GPR37L1: variants seen among roughly 807,000 people sequenced by gnomAD.
The protein encoded by GPR37L1 is G protein-coupled receptor 37-like 1.
Under a neutral mutation model 18.0 loss-of-function variants are expected in GPR37L1, and 18 were observed. The ratio of observed to expected loss-of-function variants is 1.00; its 90% CI spans 0.69 to 1.49. GPR37L1 has a LOEUF of 1.49. Among genes scored for constraint, GPR37L1 ranks in the 40% most tolerant of loss-of-function variants. The pLI, the probability that GPR37L1 is intolerant of heterozygous loss-of-function variation, is 0.00. For missense variants in GPR37L1, 558 were observed against 615.1 expected, an observed-to-expected ratio of 0.91 and a Z score of 0.98; for synonymous variants, 256 against 273.9, an observed-to-expected ratio of 0.93 and a Z score of 0.65.
In GPR37L1 at chr1:202,128,190, C is replaced by T. The variant is rs200537062; in HGVS notation, c.1080C>T (p.Thr360=). The change falls in exon 2 of 2, where the codon ACC becomes ACT. Residue 360 remains threonine, a synonymous_variant. Transcript: ENST00000367282. ...HEQCESQLNS[T]VVGLTVVYAF... Reference sequence around the variant, plus strand: ...AGTGTGAGAGCCAGCTCAACAGCACCGTGGTGGGCCTGACCGTGGTCTACG... The same window carrying T: ...AGTGTGAGAGCCAGCTCAACAGCACTGTGGTGGGCCTGACCGTGGTCTACG... 6.9e-5 allele frequency: 112 copies of T among 1,613,842 alleles called. No individual in the cohort carries two copies. The highest frequency in any genetic ancestry group is 5.8e-4 in the East Asian group (26 of 44,890).
At position 202,129,655 on chromosome 1, in the gene GPR37L1, G is replaced by A. The variant is rs1038303647; in HGVS notation, c.*1099G>A. On this transcript the variant is annotated 3_prime_UTR_variant, in exon 2 of 2. Transcript: ENST00000367282. ...AGAACAGCCTTGTGGCCGATGTTCA[G>A]AACAGCCTTGTGGCCCTGGCGACTC... 6.6e-6 allele frequency: 1 copy of A among 152,232 alleles called. No homozygotes were observed. The highest frequency in any genetic ancestry group is 6.5e-5 in the Admixed American group (1 of 15,286). 9.4% of individuals were successfully genotyped at this position (152,232 alleles called of 1,614,324 possible). A position where few individuals can be genotyped will look rare whatever the true frequency, so the allele number is the denominator to read the frequency against.
Position 202,132,437 on chromosome 1 carries a change from G to A in GPR37L1, c.*3881G>A, listed in dbSNP as rs112451455. 5,367 of 152,388 alleles carry A rather than the reference G, an allele frequency of 0.035. 197 individuals are homozygous for A. Among genetic ancestry groups the A allele is most frequent in the East Asian group, 0.17 (890 of 5,170 alleles). 9.4% of individuals were successfully genotyped at this position (152,388 alleles called of 1,614,324 possible). A position where few individuals can be genotyped will look rare whatever the true frequency, so the allele number is the denominator to read the frequency against. The stretch of plus-strand genomic sequence containing the variant: ...GTGGGGAACTGCCTCTCCAGGCAGG[G>A]AACTGCTCTGACAGGTCTGATGACT... On this transcript the variant is annotated 3_prime_UTR_variant, in exon 2 of 2. Transcript: ENST00000367282.
At chr1:202,126,873 G>A (rs912005989) in intron 1 of GPR37L1, among the ~76,000 whole-genome samples, 5 of 151,498 alleles carry the variant, frequency 3.3e-5, no homozygotes, top group Admixed American at 6.6e-5. Context: ...GTGTGTGCAC[G>A]CGTAAGCCAT....
intron 1 of GPR37L1, among the ~76,000 whole-genome samples, chr1:202,125,266 T>C (rs904869973): frequency 5.9e-5 from 9 of 151,746 alleles, no homozygotes; most frequent in African/African-American, 1.9e-4. Context: ...GACACAGGAC[T>C]CTGAAATTGA....
rs373542626 is a variant in GPR37L1 at position 202,133,401 on chromosome 1, C to G, written c.*4845C>G. 10 of 152,232 alleles carry G rather than the reference C, an allele frequency of 6.6e-5. No individual in the cohort carries two copies. Among genetic ancestry groups the G allele is most frequent in the African/African-American group, 1.4e-4 (6 of 41,550 alleles). The allele number at this position is 152,232 out of a possible 1,614,324, so 9.4% of individuals were successfully genotyped here. On this transcript the variant is annotated 3_prime_UTR_variant, in exon 2 of 2. Transcript: ENST00000367282. ...GGAAAAGTAACCAGCACCATACACCCCCCCCAACACAAAACTGGTCATTTA... is the reference window on the plus strand; with the variant it reads ...GGAAAAGTAACCAGCACCATACACCGCCCCCAACACAAAACTGGTCATTTA...
intron 1 of GPR37L1, among the ~76,000 whole-genome samples, chr1:202,124,337 T>G (rs1184937590): frequency 1.3e-5 from 2 of 152,188 alleles, no homozygotes; most frequent in African/African-American, 4.8e-5. Context: ...AATTTCTTTA[T>G]CTCCCAACCA....
Position 202,133,239 on chromosome 1 carries a change from T to A in GPR37L1, c.*4683T>A, listed in dbSNP as rs949289196. 1 of 152,228 alleles carries A rather than the reference T, an allele frequency of 6.6e-6. No homozygotes were observed. The highest frequency in any genetic ancestry group is 1.5e-5 in the Non-Finnish European group (1 of 68,036). 9.4% of individuals were successfully genotyped at this position (152,228 alleles called of 1,614,324 possible). On this transcript the variant is annotated 3_prime_UTR_variant, in exon 2 of 2. Transcript: ENST00000367282. The stretch of plus-strand genomic sequence containing the variant: ...GGTGGCGCAAGAGCCTGGACGCACG[T>A]GTGGGAGGCCGTTTTGTGCAGCGCC...
Position 202,129,622 on chromosome 1 carries a change from TGATGTTCAGAACAGCCTTGTGGCC to T in GPR37L1, c.*1091_*1114del, listed in dbSNP as rs886225975. 23 of 152,110 alleles carry T rather than the reference TGATGTTCAGAACAGCCTTGTGGCC, an allele frequency of 1.5e-4. No individual in the cohort carries two copies. The highest frequency in any genetic ancestry group is 3.9e-4 in the African/African-American group (16 of 41,386). 9.4% of individuals were successfully genotyped at this position (152,110 alleles called of 1,614,324 possible). ...CTCCTGACCTGGCCTGGCCTGTGGC[TGATGTTCAGAACAGCCTTGTGGCC>T]GATGTTCAGAACAGCCTTGTGGCCC... On this transcript the variant is annotated 3_prime_UTR_variant, in exon 2 of 2. Transcript: ENST00000367282.
Position 202,128,132 on chromosome 1 carries a change from G to C in GPR37L1, c.1022G>C (p.Arg341Thr). 6.2e-7 allele frequency: 1 copy of C among 1,614,100 alleles called. No individual in the cohort carries two copies. The highest frequency in any genetic ancestry group is 8.5e-7 in the Non-Finnish European group (1 of 1,180,038). ...TGGCGGGTGCGAGGCCCTCCAGGGA[G>C]GAAGTCAGAGTGCAGGGCCAGCAAG... ...VTWRVRGPPG[R>T]KSECRASKHE... Residue 341 changes from arginine to threonine, a missense_variant, in exon 2 of 2, where the codon AGG (arginine) becomes ACG (threonine). Transcript: ENST00000367282.
rs773384673 is a variant in GPR37L1, at chr1:202,128,282, G to A, written c.1172G>A (p.Arg391His). 9 of 1,614,010 alleles carry A rather than the reference G, an allele frequency of 5.6e-6. No individual in the cohort carries two copies. The highest frequency in any genetic ancestry group is 6.8e-6 in the Non-Finnish European group (8 of 1,180,020). ...GCCTACCTCTCCACCGAGCTGACCC[G>A]CCAGACCCTGGACCTCCTGGGCCTC... ...VVAYLSTELT[R>H]QTLDLLGLIN... The change falls in exon 2 of 2, where the codon CGC (arginine) becomes CAC (histidine). Residue 391 changes from arginine (R) to histidine (H), a missense_variant. Physicochemically the swap from Arg to His is conservative, Grantham distance 29. Transcript: ENST00000367282.
At chr1:202,123,892 C>T (rs942989758) in intron 1 of GPR37L1, among the ~76,000 whole-genome samples, 2 of 152,138 alleles carry the variant, frequency 1.3e-5, no homozygotes, top group African/African-American at 4.8e-5. Flanking sequence ...CCACTTTCTC[C>T]AGACCCTAAG....
rs745545701 is a variant in GPR37L1, at chr1:202,123,297, C to T, written c.334C>T (p.Gln112Ter). ...LRGNLTGAPG[Q>*]RLQIQNPLYP... ...GGGCAATCTGACAGGAGCACCAGGG[C>T]AGAGGCTACAGATCCAGAACCCCCT... is the stretch of plus-strand genomic sequence containing the variant. The change falls in exon 1 of 2, where the codon CAG (glutamine) becomes TAG (stop). Residue 112 changes from glutamine (Q) to a stop codon, truncating the protein, a stop_gained. Transcript: ENST00000367282. LOFTEE classifies it high-confidence loss of function. 1 of 1,614,180 alleles carries T rather than the reference C, an allele frequency of 6.2e-7. No homozygotes were observed. Among genetic ancestry groups the T allele is most frequent in the East Asian group, 2.2e-5 (1 of 44,870 alleles).
chr1:202,132,359 C>G lies in GPR37L1; in HGVS notation c.*3803C>G, dbSNP rs1291040216. 6.6e-6 allele frequency: 1 copy of G among 152,284 alleles called. No homozygotes were observed. The highest frequency in any genetic ancestry group is 1.5e-5 in the Non-Finnish European group (1 of 68,076). The allele number at this position is 152,284 out of a possible 1,614,324, so 9.4% of individuals were successfully genotyped here. ...GGAGTTGGGAGGTACCCTAGAATCACTTAGCTTCAGATGCCAAATTCCATC... is the reference window on the plus strand; with the variant it reads ...GGAGTTGGGAGGTACCCTAGAATCAGTTAGCTTCAGATGCCAAATTCCATC... On this transcript the variant is annotated 3_prime_UTR_variant, in exon 2 of 2. Coordinates refer to ENST00000367282, the MANE Select transcript of GPR37L1 (RefSeq NM_004767.5).
chr1:202,128,592 C>A lies in GPR37L1; in HGVS notation c.*36C>A. The A allele has an allele frequency of 8.3e-7, 1 of 1,211,196 alleles. No individual in the cohort carries two copies. The highest frequency in any genetic ancestry group is 1.2e-6 in the Non-Finnish European group (1 of 863,304). The allele number at this position is 1,211,196 out of a possible 1,614,324, so 75.0% of individuals were successfully genotyped here. On this transcript the variant is annotated 3_prime_UTR_variant, in exon 2 of 2. Coordinates refer to ENST00000367282, the MANE Select transcript of GPR37L1 (RefSeq NM_004767.5). Reference sequence around the variant, plus strand: ...GGGGTGGGGAGGGAGGGAGAGGCCGCCACCCCCGCCGGTGTCTGCTGTTCT... The same window carrying A: ...GGGGTGGGGAGGGAGGGAGAGGCCGACACCCCCGCCGGTGTCTGCTGTTCT...
rs772639629 is a variant in GPR37L1, at chr1:202,128,019, G to T, written c.909G>T (p.Met303Ile). ...SLPESLYSLV[M>I]TYQNARMWWY... ...CCGAGTCCCTGTATTCACTGGTGAT[G>T]ACCTACCAGAACGCCCGCATGTGGT... Residue 303 changes from methionine to isoleucine, a missense_variant, in exon 2 of 2, where the codon ATG becomes ATT. Physicochemically the swap from Met to Ile is conservative, Grantham distance 10. Transcript: ENST00000367282. 1 of 1,614,154 alleles carries T rather than the reference G, an allele frequency of 6.2e-7. No homozygotes were observed. Among genetic ancestry groups the T allele is most frequent in the African/African-American group, 1.3e-5 (1 of 75,032 alleles).
chr1:202,124,499 C>T (rs1337992815), intron 1 of GPR37L1, among the ~76,000 whole-genome samples: 1 of 152,222 alleles, frequency 6.6e-6, no homozygotes, highest in Non-Finnish European at 1.5e-5. Flanking sequence ...ACTGCAGAAA[C>T]ATACTGATGT....
At position 202,128,613 on chromosome 1, in the gene GPR37L1, G is replaced by A. The variant is rs1044630673; in HGVS notation, c.*57G>A. 3.7e-5 allele frequency: 39 copies of A among 1,047,790 alleles called. No individual in the cohort carries two copies. In the African/African-American group the frequency reaches 4.6e-4, roughly 12 times the overall value. The allele number at this position is 1,047,790 out of a possible 1,614,324, so 64.9% of individuals were successfully genotyped here. A position where few individuals can be genotyped will look rare whatever the true frequency, so the allele number is the denominator to read the frequency against. On this transcript the variant is annotated 3_prime_UTR_variant, in exon 2 of 2. Transcript: ENST00000367282. ...GCCGCCACCCCCGCCGGTGTCTGCTGTTCTTTCCCCATAGGTCTTGCTTTG... is the reference window on the plus strand; with the variant it reads ...GCCGCCACCCCCGCCGGTGTCTGCTATTCTTTCCCCATAGGTCTTGCTTTG...
Position 202,123,251 on chromosome 1 carries a change from A to C in GPR37L1, c.288A>C (p.Pro96=). 1 of 1,613,976 alleles carries C rather than the reference A, an allele frequency of 6.2e-7. No individual in the cohort carries two copies. Among genetic ancestry groups the C allele is most frequent in the South Asian group, 1.1e-5 (1 of 91,090 alleles). Residue 96 remains proline (P), a synonymous_variant, in exon 1 of 2, where the codon CCA becomes CCC. Coordinates refer to ENST00000367282, the MANE Select transcript of GPR37L1 (RefSeq NM_004767.5). The stretch of plus-strand genomic sequence containing the variant: ...ACCCCGGCAAGGATGGGGGCACCCC[A>C]GACAGTGGGCAGGAACTGAGGGGCA... ...SPNPGKDGGT[P]DSGQELRGNL...
Position 202,128,209 on chromosome 1 carries a change from G to A in GPR37L1, c.1099G>A (p.Val367Ile). The change falls in exon 2 of 2, where the codon GTC (valine) becomes ATC (isoleucine). Residue 367 changes from valine (V) to isoleucine (I), a missense_variant. Coordinates refer to ENST00000367282, the MANE Select transcript of GPR37L1 (RefSeq NM_004767.5). ...CAGCACCGTGGTGGGCCTGACCGTG[G>A]TCTACGCCTTCTGCACCCTCCCAGA... ...LNSTVVGLTVVYAFCTLPENV... is the reference protein window; with the variant it reads ...LNSTVVGLTVIYAFCTLPENV... 1 of 1,613,928 alleles carries A rather than the reference G, an allele frequency of 6.2e-7. No individual in the cohort carries two copies. Among genetic ancestry groups the A allele is most frequent in the Non-Finnish European group, 8.5e-7 (1 of 1,180,008 alleles).
Sources: allele counts gnomAD v4.1 joint callset (sites outside exome capture counted in the v4.1 genomes callset), GRCh38; gene constraint gnomAD v4.1.1; transcripts MANE v1.5; gene names NCBI Gene and HGNC (gene_info 2026-07-23, HGNC 2026-07-21).